Variants in CDH18 observed in about 807,000 individuals in gnomAD.
CDH18 encodes cadherin-18.
Under a neutral mutation model 67.9 loss-of-function variants are expected in CDH18, and 31 were observed. The observed-to-expected ratio is 0.46, with a 90% CI of 0.34 to 0.62. The LOEUF is 0.62. Ranked by LOEUF, CDH18 falls within the 20% of genes least tolerant of loss-of-function variation. The pLI is 0.01. For missense variants in CDH18, 890 were observed against 975.5 expected, an observed-to-expected ratio of 0.91 and a Z score of 1.17; for synonymous variants, 362 against 347.2, an observed-to-expected ratio of 1.04 and a Z score of -0.48.
At chr5:20,256,035 T>A (rs1268148713) in intron 1 of CDH18, among the ~76,000 whole-genome samples, 1 of 151,928 alleles carries the variant, frequency 6.6e-6, no homozygotes, top group East Asian at 1.9e-4. Context: ...ATAATATGAT[T>A]AACAAGGGAG....
intron 5 of CDH18, among the ~76,000 whole-genome samples, chr5:19,619,832 A>C (rs1750413989): frequency 6.6e-6 from 1 of 152,182 alleles, no homozygotes; most frequent in Admixed American, 6.6e-5. Flanking sequence ...TGTGACTCCA[A>C]GCTTCCAGTG....
intron 1 of CDH18, among the ~76,000 whole-genome samples, chr5:20,389,403 T>A (rs1301244613): frequency 1.3e-5 from 2 of 152,176 alleles, no homozygotes; most frequent in Admixed American, 6.6e-5. Flanking sequence ...TCCATTTGCT[T>A]GGTAGATCTT....
intron 2 of CDH18, among the ~76,000 whole-genome samples, chr5:19,966,459 A>G (rs140334005): frequency 1.3e-5 from 2 of 152,278 alleles, no homozygotes; most frequent in East Asian, 1.9e-4. Flanking sequence ...ATAATTGTAT[A>G]TTCCAACTGG....
chr5:20,056,738 C>T (rs535496793), intron 2 of CDH18, among the ~76,000 whole-genome samples: 74 of 126,462 alleles, frequency 5.9e-4, no homozygotes, highest in African/African-American at 2.1e-3. Context: ...GGCTGGAGTG[C>T]GGTGGTGCGA....
At chr5:19,640,585 TG>T (rs1344385326) in intron 5 of CDH18, among the ~76,000 whole-genome samples, 1 of 152,094 alleles carries the variant, frequency 6.6e-6, no homozygotes, top group East Asian at 1.9e-4. Flanking sequence ...AGCATTCTTT[TG>T]AACAACTATT....
At chr5:19,513,515 C>A (rs1449772214) in intron 10 of CDH18, among the ~76,000 whole-genome samples, 1 of 152,170 alleles carries the variant, frequency 6.6e-6, no homozygotes, top group African/African-American at 2.4e-5. Flanking sequence ...TTTCAAATAA[C>A]TAAGCTGTGA....
rs139317165 is a variant in CDH18, at chr5:20,046,854, T to C, written c.-517-54840A>G. Among the ~76,000 whole-genome samples the C allele has an allele frequency of 1.9e-3, 283 of 151,660 alleles. 1 individual carries two copies. Among genetic ancestry groups the C allele is most frequent in the African/African-American group, 6.3e-3 (262 of 41,478 alleles). Reference sequence around the variant, plus strand: ...ATTGTTGGTGTTTACTCAAAAAAGGTTGGGAGAAGGGAAAGTATACAGAAC... The same window carrying C: ...ATTGTTGGTGTTTACTCAAAAAAGGCTGGGAGAAGGGAAAGTATACAGAAC... On this transcript the variant is annotated intron_variant, in intron 2 of 14. Transcript: ENST00000507958.
intron 2 of CDH18, among the ~76,000 whole-genome samples, chr5:19,960,584 T>TGTGTGTATATATATATATACACAC (rs1796707831): frequency 5.7e-5 from 7 of 123,460 alleles, no homozygotes; most frequent in Middle Eastern, 3.6e-3. Context: ...TGTGTGTGTG[T>TGTGTGTATATATATATATACACAC]GTGTGTATAT....
chr5:19,634,105 T>C (rs1752776419), intron 5 of CDH18, among the ~76,000 whole-genome samples: 1 of 152,184 alleles, frequency 6.6e-6, no homozygotes, highest in Admixed American at 6.5e-5. Context: ...AAAATAAGCT[T>C]GTGGTGGCAT....
chr5:19,672,919 T>C (rs1032049246), intron 5 of CDH18, among the ~76,000 whole-genome samples: 1 of 152,038 alleles, frequency 6.6e-6, no homozygotes, highest in African/African-American at 2.4e-5. Context: ...TTATAGACAA[T>C]AATAAAGACC....
intron 1 of CDH18, among the ~76,000 whole-genome samples, chr5:20,529,603 G>A (rs1024919544): frequency 3.3e-5 from 5 of 151,870 alleles, no homozygotes; most frequent in Admixed American, 1.3e-4. Flanking sequence ...ATCAATATAC[G>A]TAATTCATCA....
chr5:19,973,407 C>T (rs576430108), intron 2 of CDH18, among the ~76,000 whole-genome samples: 26 of 152,054 alleles, frequency 1.7e-4, no homozygotes, highest in Admixed American at 5.2e-4. Flanking sequence ...TATCTATGTA[C>T]GATGTACTTC....
chr5:19,996,841 T>A (rs952367228), intron 2 of CDH18, among the ~76,000 whole-genome samples: 2 of 152,004 alleles, frequency 1.3e-5, no homozygotes, highest in African/African-American at 4.8e-5. Context: ...TTCTTACACA[T>A]TACCAAAACA....
chr5:20,526,987 C>A (rs1008435522), intron 1 of CDH18, among the ~76,000 whole-genome samples: 2 of 151,942 alleles, frequency 1.3e-5, no homozygotes, highest in African/African-American at 4.8e-5. Flanking sequence ...ATGTTCTAAC[C>A]CAAAGCAAAG....
At chr5:20,388,256 G>T (rs1237214156) in intron 1 of CDH18, among the ~76,000 whole-genome samples, 1 of 152,114 alleles carries the variant, frequency 6.6e-6, no homozygotes, top group Admixed American at 6.5e-5. Context: ...CCTGTTATTG[G>T]TCTATTCAGA....
intron 5 of CDH18, among the ~76,000 whole-genome samples, chr5:19,711,706 T>G (rs1006898835): frequency 6.7e-6 from 1 of 149,270 alleles, no homozygotes; most frequent in Admixed American, 6.7e-5. Context: ...AGGGAATGTT[T>G]ATACACTGTT....
At chr5:20,119,096 A>C (rs1443518852) in intron 2 of CDH18, among the ~76,000 whole-genome samples, 5 of 152,180 alleles carry the variant, frequency 3.3e-5, no homozygotes, top group African/African-American at 1.2e-4. Flanking sequence ...GCATCAATGC[A>C]TGTGACTTCC....
At chr5:20,045,761 C>T (rs888180831) in intron 2 of CDH18, among the ~76,000 whole-genome samples, 2 of 151,906 alleles carry the variant, frequency 1.3e-5, no homozygotes, top group African/African-American at 4.8e-5. Context: ...AACAAAGGCA[C>T]CAACCACCTG....
intron 1 of CDH18, among the ~76,000 whole-genome samples, chr5:20,546,250 C>T (rs1033507826): frequency 2.0e-5 from 3 of 152,120 alleles, no homozygotes; most frequent in African/African-American, 7.2e-5. Context: ...AACTTTTCCT[C>T]AACTTCCTGT....
Sources: allele counts gnomAD v4.1 joint callset (sites outside exome capture counted in the v4.1 genomes callset), GRCh38; gene constraint gnomAD v4.1.1; transcripts MANE v1.5; gene names NCBI Gene and HGNC (gene_info 2026-07-23, HGNC 2026-07-21).